The following ZFHX3 variants were observed in gnomAD, a reference collection of about 807,000 sequenced individuals.
The protein encoded by ZFHX3 is zinc finger homeobox protein 3.
Under a neutral mutation model 279.1 loss-of-function variants are expected in ZFHX3, and 42 were observed. The observed-to-expected ratio is 0.15, with a 90% CI of 0.12 to 0.19. ZFHX3 has a LOEUF of 0.19. ZFHX3 is among the 10% of genes least tolerant of loss of function. The pLI is 1.00. For missense variants in ZFHX3, 4,981 were observed against 4,754.0 expected, an observed-to-expected ratio of 1.05 and a Z score of -1.40; for synonymous variants, 2,293 against 1,957.8, an observed-to-expected ratio of 1.17 and a Z score of -4.52.
At chr16:72,917,051 C>T (rs1369104462) in intron 3 of ZFHX3, among the ~76,000 whole-genome samples, 1 of 152,062 alleles carries the variant, frequency 6.6e-6, no homozygotes, top group Admixed American at 6.6e-5. Flanking sequence ...CCAGCCTGAA[C>T]AACATGGTGA....
intron 4 of ZFHX3, among the ~76,000 whole-genome samples, chr16:72,867,228 A>G (rs2038044143): frequency 6.6e-6 from 1 of 152,078 alleles, no homozygotes; most frequent in Non-Finnish European, 1.5e-5. Context: ...ATTCTACTCC[A>G]CCAGGTGTCA....
At chr16:73,591,880 TTAAA>T (rs2052003264) in intron 2 of ZFHX3, among the ~76,000 whole-genome samples, 1 of 151,922 alleles carries the variant, frequency 6.6e-6, no homozygotes, top group East Asian at 1.9e-4. Context: ...TTTGATGATA[TTAAA>T]TAATTATTGT....
At chr16:73,566,914 T>G (rs555025168) in intron 2 of ZFHX3, among the ~76,000 whole-genome samples, 2 of 152,150 alleles carry the variant, frequency 1.3e-5, no homozygotes, top group Admixed American at 6.5e-5. Flanking sequence ...GGTCAGGCTG[T>G]TCTCGAACTC....
At chr16:73,126,303 G>A (rs1265130610) in intron 7 of ZFHX3, among the ~76,000 whole-genome samples, 3 of 152,156 alleles carry the variant, frequency 2.0e-5, no homozygotes, top group African/African-American at 4.8e-5. Context: ...GGCAATCAGC[G>A]AGAGGATACT....
chr16:73,882,330 C>T (rs1326493723), intron 1 of ZFHX3, among the ~76,000 whole-genome samples: 2 of 151,982 alleles, frequency 1.3e-5, no homozygotes, highest in Non-Finnish European at 2.9e-5. Context: ...ATACAAAATG[C>T]AGCATTTTTG....
At chr16:73,273,915 G>T (rs2014223197) in intron 4 of ZFHX3, among the ~76,000 whole-genome samples, 2 of 152,156 alleles carry the variant, frequency 1.3e-5, no homozygotes, top group African/African-American at 4.8e-5. Flanking sequence ...GGCCGAGGCG[G>T]GTGGATCACC....
At chr16:73,196,197 T>C (rs1464602247) in intron 5 of ZFHX3, among the ~76,000 whole-genome samples, 4 of 151,714 alleles carry the variant, frequency 2.6e-5, no homozygotes, top group Non-Finnish European at 5.9e-5. Flanking sequence ...TGGTGCAGTT[T>C]AATTGCTCTT....
chr16:73,209,758 T>C (rs1001519174), intron 5 of ZFHX3, among the ~76,000 whole-genome samples: 4 of 152,312 alleles, frequency 2.6e-5, no homozygotes, highest in South Asian at 2.1e-4. Flanking sequence ...TTATACATCA[T>C]GTAGCTTCTG....
intron 1 of ZFHX3, among the ~76,000 whole-genome samples, chr16:73,842,184 C>G (rs1310659347): frequency 2.6e-5 from 4 of 151,878 alleles, no homozygotes; most frequent in African/African-American, 9.7e-5. Flanking sequence ...CCACTGCACT[C>G]CAGCCTGGGC....
At chr16:72,963,817 G>C (rs1188898346) in intron 1 of ZFHX3, among the ~76,000 whole-genome samples, 1 of 152,276 alleles carries the variant, frequency 6.6e-6, no homozygotes, top group East Asian at 1.9e-4. Flanking sequence ...AGGGGAGGGG[G>C]CTCCTGCTGT....
At chr16:73,156,346 A>G (rs924589155) in intron 5 of ZFHX3, among the ~76,000 whole-genome samples, 1 of 152,116 alleles carries the variant, frequency 6.6e-6, no homozygotes, top group African/African-American at 2.4e-5. Context: ...ATTAAAAAAA[A>G]TGATTTGAGG....
chr16:73,299,463 GTTA>G, intron 4 of ZFHX3, among the ~76,000 whole-genome samples: 1 of 152,276 alleles, frequency 6.6e-6, no homozygotes, highest in African/African-American at 2.4e-5. Context: ...GGAAGCAGGG[GTTA>G]ACCACTGAGA....
intron 5 of ZFHX3, among the ~76,000 whole-genome samples, chr16:73,156,554 T>TTTTAA (rs914485273): frequency 1.3e-5 from 2 of 152,176 alleles, no homozygotes; most frequent in Non-Finnish European, 2.9e-5. Context: ...GAGATGTTTC[T>TTTTAA]TTTAATTTAA....
chr16:72,974,449 G>A (rs767227322), intron 1 of ZFHX3, among the ~76,000 whole-genome samples: 74 of 152,228 alleles, frequency 4.9e-4, no homozygotes, highest in Non-Finnish European at 8.8e-4. Flanking sequence ...TTTTCCTCTC[G>A]GCAGGAAGAA....
intron 5 of ZFHX3, among the ~76,000 whole-genome samples, chr16:73,148,013 C>CCA (rs1460527701): frequency 6.6e-6 from 1 of 152,222 alleles, no homozygotes; most frequent in East Asian, 1.9e-4. Context: ...CTCTACTTGA[C>CCA]CACAGGGAGC....
Position 72,795,836 on chromosome 16 carries a change from T to C in ZFHX3, c.6846A>G (p.Pro2282=). 1 of 1,614,210 alleles carries C rather than the reference T, an allele frequency of 6.2e-7. No homozygotes were observed. Among genetic ancestry groups the C allele is most frequent in the Non-Finnish European group, 8.5e-7 (1 of 1,180,032 alleles). ...GAAACCACACCACTATCACTCGGGT[T>C]GGAAGGTTCAGTAAATTAGAGAGTT... ...FEQLSNLLNL[P]TRVIVVWFQN... is the part of the protein sequence containing the mutation. The change falls in exon 9 of 10, where the codon CCA becomes CCG. Residue 2282 remains proline, a synonymous_variant. Coordinates refer to ENST00000268489, the MANE Select transcript of ZFHX3 (RefSeq NM_006885.4).
At chr16:73,640,252 AAG>A (rs1040254689) in intron 2 of ZFHX3, among the ~76,000 whole-genome samples, 1 of 152,146 alleles carries the variant, frequency 6.6e-6, no homozygotes, top group African/African-American at 2.4e-5. Context: ...AGTATCCAAA[AAG>A]AGAATTATCA....
intron 2 of ZFHX3, among the ~76,000 whole-genome samples, chr16:73,560,610 G>A (rs1454169860): frequency 6.6e-6 from 1 of 152,174 alleles, no homozygotes. Context: ...AAATCCCTGG[G>A]GAATTCCCAG....
intron 4 of ZFHX3, among the ~76,000 whole-genome samples, chr16:72,838,049 C>T (rs907460085): frequency 2.0e-5 from 3 of 152,230 alleles, no homozygotes; most frequent in African/African-American, 7.2e-5. Context: ...GAGCTGCCAG[C>T]TTCCAAGGGG....
Sources: gnomAD v4.1 joint callset for allele counts (sites outside exome capture counted in the v4.1 genomes callset) on GRCh38, gnomAD v4.1.1 for gene constraint, MANE v1.5 for transcripts, NCBI Gene and HGNC (gene_info 2026-07-23, HGNC 2026-07-21) for gene names.